LUZP2: variants seen among roughly 807,000 people sequenced by gnomAD.
The protein encoded by LUZP2 is leucine zipper protein 2.
Under a neutral mutation model 51.6 loss-of-function variants are expected in LUZP2, and 52 were observed. The ratio of observed to expected loss-of-function variants is 1.01; its 90% CI spans 0.81 to 1.27. The LOEUF is 1.27. Ranked by LOEUF, LUZP2 falls within the 50% of genes most tolerant of loss-of-function variation. The pLI, the probability that LUZP2 is intolerant of heterozygous loss-of-function variation, is 0.00. For synonymous variants in LUZP2, 154 were observed against 137.3 expected (o/e 1.12, Z -0.85); for missense variants, 436 against 395.4 (o/e 1.10, Z -0.87).
chr11:24,722,495 A>G (rs1427939756), intron 1 of LUZP2, among the ~76,000 whole-genome samples: 2 of 152,162 alleles, frequency 1.3e-5, no homozygotes, highest in African/African-American at 4.8e-5. Context: ...ACATCCCACC[A>G]GGTTCCTCCC....
intron 1 of LUZP2, among the ~76,000 whole-genome samples, chr11:24,571,695 T>C (rs568120590): frequency 5.0e-4 from 76 of 152,198 alleles, no homozygotes; most frequent in African/African-American, 1.8e-3. Context: ...TAAAATTGCC[T>C]TAGAAATGTA....
rs528117216 is a variant in LUZP2, at chr11:24,983,335, A to C, written c.765+42A>C. Reference sequence around the variant, plus strand: ...TGCGCTTTGTAAAGTAACAGCAAGTAATGTGTTGTCTTTAAAGCCCAGTAT... The same window carrying C: ...TGCGCTTTGTAAAGTAACAGCAAGTCATGTGTTGTCTTTAAAGCCCAGTAT... On this transcript the variant is annotated intron_variant, in intron 9 of 11. Transcript: ENST00000336930. 44 of 1,587,782 alleles carry C rather than the reference A, an allele frequency of 2.8e-5. No individual in the cohort carries two copies. The African/African-American group carries it at 4.2e-4, about 15-fold the overall frequency.
intron 9 of LUZP2, among the ~76,000 whole-genome samples, chr11:25,031,053 C>A (rs2133991351): frequency 8.0e-6 from 1 of 124,314 alleles, no homozygotes; most frequent in South Asian, 2.6e-4. Flanking sequence ...CACTCTGTTA[C>A]CCAGGCTGGA....
chr11:24,703,907 T>C (rs1857493280), intron 1 of LUZP2, among the ~76,000 whole-genome samples: 1 of 152,048 alleles, frequency 6.6e-6, no homozygotes, highest in African/African-American at 2.4e-5. Context: ...TAGTTTTTAA[T>C]GTGTCTAACT....
At chr11:25,017,042 G>T (rs1306217866) in intron 9 of LUZP2, among the ~76,000 whole-genome samples, 17 of 151,768 alleles carry the variant, frequency 1.1e-4, no homozygotes, top group Non-Finnish European at 2.1e-4. Flanking sequence ...GAGGATTTTT[G>T]CATATGTTTG....
intron 1 of LUZP2, among the ~76,000 whole-genome samples, chr11:24,706,669 T>C (rs1857595035): frequency 1.3e-5 from 2 of 152,170 alleles, no homozygotes; most frequent in Non-Finnish European, 2.9e-5. Context: ...GAAATCTCGT[T>C]TAAAATGTAA....
At chr11:24,828,823 T>G (rs999942096) in intron 5 of LUZP2, among the ~76,000 whole-genome samples, 6 of 152,168 alleles carry the variant, frequency 3.9e-5, no homozygotes, top group African/African-American at 1.4e-4. Flanking sequence ...GTGAATTTGC[T>G]TTTAGCTTCT....
chr11:24,506,519 C>T (rs189480006), intron 1 of LUZP2, among the ~76,000 whole-genome samples: 194 of 151,924 alleles, frequency 1.3e-3, no homozygotes, highest in Non-Finnish European at 1.8e-3. Flanking sequence ...AAGTGAGGGG[C>T]AATTTTTTCT....
intron 1 of LUZP2, among the ~76,000 whole-genome samples, chr11:24,664,402 T>C (rs1856141450): frequency 6.6e-6 from 1 of 151,900 alleles, no homozygotes; most frequent in African/African-American, 2.4e-5. Context: ...GACAATGAGA[T>C]AAAGAACAAA....
intron 9 of LUZP2, among the ~76,000 whole-genome samples, chr11:24,986,376 G>A (rs1856187367): frequency 6.6e-6 from 1 of 151,452 alleles, no homozygotes; most frequent in African/African-American, 2.4e-5. Context: ...TCTGTATAGT[G>A]GAAATACTAT....
intron 5 of LUZP2, among the ~76,000 whole-genome samples, chr11:24,807,163 A>G (rs985984505): frequency 3.9e-5 from 6 of 152,128 alleles, no homozygotes; most frequent in African/African-American, 1.4e-4. Flanking sequence ...GATTTTTAAA[A>G]GACAGGTTAA....
chr11:24,802,018 G>C (rs1011324081), intron 5 of LUZP2, among the ~76,000 whole-genome samples: 1 of 151,824 alleles, frequency 6.6e-6, no homozygotes, highest in African/African-American at 2.4e-5. Context: ...CATGTAATGT[G>C]CATGTAATCC....
rs974016967 is a variant in LUZP2 at position 24,902,428 on chromosome 11, A to G, written c.397-3563A>G. On this transcript the variant is annotated intron_variant, in intron 5 of 11. Coordinates refer to ENST00000336930, the MANE Select transcript of LUZP2 (RefSeq NM_001009909.4). ...CCGGAGAAAATAAATCTTTTTCAAC[A>G]TTGTTCCACTCATATTATCGTAGCA... Among the ~76,000 whole-genome samples, 7 of 152,190 alleles carry G rather than the reference A, an allele frequency of 4.6e-5. No individual in the cohort carries two copies. In the East Asian group the frequency reaches 1.3e-3, roughly 29 times the overall value.
chr11:24,891,472 A>G lies in LUZP2; in HGVS notation c.397-14519A>G. 3.2e-6 allele frequency: 3 copies of G among 946,692 alleles called. No individual in the cohort carries two copies. In the South Asian group the frequency reaches 1.5e-4, roughly 46 times the overall value. The allele number at this position is 946,692 out of a possible 1,614,324, so 58.6% of individuals were successfully genotyped here. A position where few individuals can be genotyped will look rare whatever the true frequency, so the allele number is the denominator to read the frequency against. On this transcript the variant is annotated intron_variant, in intron 5 of 11. Transcript: ENST00000336930. ...GTTCCTAATAAGGGAAGATTTAAATACTTTACTATAAAGCTATATTATTAT... is the reference window on the plus strand; with the variant it reads ...GTTCCTAATAAGGGAAGATTTAAATGCTTTACTATAAAGCTATATTATTAT...
At chr11:25,019,795 G>A (rs926018859) in intron 9 of LUZP2, among the ~76,000 whole-genome samples, 1 of 152,052 alleles carries the variant, frequency 6.6e-6, no homozygotes, top group African/African-American at 2.4e-5. Flanking sequence ...GAGGTTTCTT[G>A]AGGCTACTGT....
chr11:24,680,304 G>T (rs1347442607), intron 1 of LUZP2, among the ~76,000 whole-genome samples: 1 of 152,166 alleles, frequency 6.6e-6, no homozygotes, highest in East Asian at 1.9e-4. Context: ...TTCTGTAGCA[G>T]CACTAGACTT....
chr11:24,602,772 T>C (rs1299272247), intron 1 of LUZP2, among the ~76,000 whole-genome samples: 1 of 151,672 alleles, frequency 6.6e-6, no homozygotes, highest in East Asian at 1.9e-4. Context: ...TCTTTTTCAT[T>C]TCCTCTGTTT....
intron 7 of LUZP2, among the ~76,000 whole-genome samples, chr11:24,923,138 G>A (rs1210615213): frequency 6.6e-6 from 1 of 151,546 alleles, no homozygotes; most frequent in Non-Finnish European, 1.5e-5. Context: ...GTGAGCCACC[G>A]CGCCCGGCCA....
intron 1 of LUZP2, among the ~76,000 whole-genome samples, chr11:24,688,083 G>A (rs1197796422): frequency 6.6e-6 from 1 of 151,886 alleles, no homozygotes; most frequent in Non-Finnish European, 1.5e-5. Flanking sequence ...CACTGGTCAA[G>A]GTCAGGTATA....
Sources: allele counts gnomAD v4.1 joint callset (sites outside exome capture counted in the v4.1 genomes callset), GRCh38; gene constraint gnomAD v4.1.1; transcripts MANE v1.5; gene names NCBI Gene and HGNC (gene_info 2026-07-23, HGNC 2026-07-21).